Variants in SHBG observed in about 807,000 individuals in gnomAD.
The protein encoded by SHBG is sex hormone binding globulin, also known as sex hormone-binding globulin.
In SHBG, 37 loss-of-function variants were observed where a neutral mutation model predicts 41.9. That is an observed-to-expected ratio of 0.88 (90% CI 0.68 to 1.16). The LOEUF (loss-of-function observed/expected upper bound fraction) is 1.16. Ranked by LOEUF, SHBG falls within the 50% of genes most tolerant of loss-of-function variation. The probability of loss-of-function intolerance (pLI) is 0.00; values close to 1 mark genes in which losing one functional copy is unlikely to be tolerated. For synonymous variants in SHBG, 217 were observed against 205.8 expected (o/e 1.05, Z -0.47); for missense variants, 466 against 499.9 (o/e 0.93, Z 0.65).
At chr17:7,621,754 G>A (rs1272549694) in intron 1 of SHBG, among the ~76,000 whole-genome samples, 1 of 151,856 alleles carries the variant, frequency 6.6e-6, no homozygotes, top group Non-Finnish European at 1.5e-5. Context: ...AGGAGGCTGG[G>A]AGACCAGTAA....
At chr17:7,626,694 C>T, upstream of SHBG, 1 of 1,612,972 alleles carries the variant, frequency 6.2e-7, no homozygotes, top group South Asian at 1.1e-5. Context: ...ACCCGGGTCC[C>T]CCCTCCATAT....
At chr17:7,628,981 G>T (rs2072313331), upstream of SHBG, among the ~76,000 whole-genome samples, 2 of 152,058 alleles carry the variant, frequency 1.3e-5, no homozygotes, top group South Asian at 4.1e-4. Flanking sequence ...GCTTGAACCT[G>T]GGAGGTGGAG....
chr17:7,614,673 C>T, intron 1 of SHBG: 1 of 379,064 alleles, frequency 2.6e-6, no homozygotes, highest in South Asian at 1.2e-4. Context: ...GGCCCCACGG[C>T]GGCCCTGCCA....
At chr17:7,627,573 A>C (rs1328421282), upstream of SHBG, 1 of 1,610,044 alleles carries the variant, frequency 6.2e-7, no homozygotes, top group African/African-American at 1.3e-5. This position sits in a 1 kb window ranked among gnomAD's most constrained non-coding sequence, Gnocchi z 4.8. Flanking sequence ...TCTTCACCCG[A>C]ATCAGCCTCA....
chr17:7,616,451 CAAAAAAAAA>C (rs71159512), intron 1 of SHBG, among the ~76,000 whole-genome samples: 21,123 of 101,676 alleles, frequency 0.21, 2,211 homozygotes, highest in Non-Finnish European at 0.27. Context: ...ACTAAAAATA[CAAAAAAAAA>C]AAAAAAAAAA....
At chr17:7,620,200 C>T (rs2072065884) in intron 1 of SHBG, among the ~76,000 whole-genome samples, 2 of 151,948 alleles carry the variant, frequency 1.3e-5, no homozygotes, top group Admixed American at 6.6e-5. Context: ...CGTGGTGGCT[C>T]ACACCTGTAA....
rs2072370363 is a variant in SHBG at position 7,630,532 on chromosome 17, C to T, written c.203+25C>T. The T allele has an allele frequency of 6.3e-7, 1 of 1,599,758 alleles. No individual in the cohort carries two copies. The highest frequency in any genetic ancestry group is 8.6e-7 in the Non-Finnish European group (1 of 1,167,080). ...AGTATGGGGTTGGCCTAGCCCTTGA[C>T]CCAGTCCCCTGGTTCTGCCCTCTCT... On this transcript the variant is annotated intron_variant, in intron 2 of 7. Coordinates refer to ENST00000380450, the MANE Select transcript of SHBG (RefSeq NM_001040.5). The surrounding 1 kb of genome is among the most constrained non-coding windows in gnomAD (Gnocchi z 4.6).
At chr17:7,625,693 C>A (rs1407120494), upstream of SHBG, among the ~76,000 whole-genome samples, 1 of 151,704 alleles carries the variant, frequency 6.6e-6, no homozygotes. Context: ...GAATTTGAGA[C>A]CAGCCTGGCC....
At chr17:7,626,205 A>G (rs2072200900), upstream of SHBG, 4 of 414,918 alleles carry the variant, frequency 9.6e-6, no homozygotes, top group Non-Finnish European at 1.7e-5. Flanking sequence ...AAAAAAAAAA[A>G]AGAAATAAAA....
chr17:7,627,443 G>T, upstream of SHBG: 1 of 1,613,550 alleles, frequency 6.2e-7, no homozygotes, highest in Non-Finnish European at 8.5e-7. The surrounding 1 kb of genome is among the most constrained non-coding windows in gnomAD (Gnocchi z 4.8). Flanking sequence ...AGCTAGATTA[G>T]AGCAGAAGGG....
chr17:7,617,878 G>A (rs768223538), intron 1 of SHBG, among the ~76,000 whole-genome samples: 11 of 152,140 alleles, frequency 7.2e-5, no homozygotes, highest in South Asian at 2.1e-4. Context: ...GAGCTCGGGC[G>A]TTCAGGAGCA....
chr17:7,627,293 C>A, upstream of SHBG: 6 of 1,612,416 alleles, frequency 3.7e-6, no homozygotes, highest in Non-Finnish European at 5.1e-6. This position sits in a 1 kb window ranked among gnomAD's most constrained non-coding sequence, Gnocchi z 4.8. Flanking sequence ...CAGCCTGGAG[C>A]TGTCGCCTGG....
upstream of SHBG, among the ~76,000 whole-genome samples, chr17:7,624,943 CTTT>C (rs907499817): frequency 2.1e-5 from 2 of 93,736 alleles, no homozygotes; most frequent in Admixed American, 1.4e-4. Context: ...CAGGCGTGAG[CTTT>C]TTTTTTTTTT....
At chr17:7,615,454 C>T (rs1020878767) in intron 1 of SHBG, among the ~76,000 whole-genome samples, 3 of 152,364 alleles carry the variant, frequency 2.0e-5, no homozygotes, top group South Asian at 2.1e-4. Flanking sequence ...CTGTAACTCT[C>T]TACTGTAGTA....
chr17:7,614,380 G>C (rs2150951015), intron 1 of SHBG: 1 of 1,123,832 alleles, frequency 8.9e-7, no homozygotes, highest in African/African-American at 1.6e-5. Context: ...GCTCGATCCC[G>C]CCCCACGCGT....
Position 7,631,247 on chromosome 17 carries a change from G to A in SHBG, c.441G>A (p.Gly147=). The A allele has an allele frequency of 1.2e-6, 2 of 1,605,634 alleles. No homozygotes were observed. Among genetic ancestry groups the A allele is most frequent in the Non-Finnish European group, 1.7e-6 (2 of 1,176,218 alleles). ...ACTCTGTGCTGCTGGAGGTGGATGG[G>A]GAGGAGGTGCTGCGCCTGAGACAGG... ...EGDSVLLEVD[G]EEVLRLRQVS... The change falls in exon 4 of 8, where the codon GGG becomes GGA. Residue 147 remains glycine (G), a synonymous_variant. Transcript: ENST00000380450.
upstream of SHBG, chr17:7,626,998 T>G (rs777908686): frequency 1.2e-6 from 2 of 1,613,888 alleles, no homozygotes; most frequent in African/African-American, 1.3e-5. Flanking sequence ...GTCCCTTCCA[T>G]GTACTGTAGA....
chr17:7,619,162 G>A (rs1244371463), intron 1 of SHBG, among the ~76,000 whole-genome samples: 1 of 151,140 alleles, frequency 6.6e-6, no homozygotes, highest in Non-Finnish European at 1.5e-5. Flanking sequence ...AGGCCGAGGT[G>A]GGCAGATCAC....
upstream of SHBG, among the ~76,000 whole-genome samples, chr17:7,624,430 G>A (rs959401475): frequency 8.6e-5 from 13 of 151,816 alleles, no homozygotes; most frequent in Non-Finnish European, 4.4e-5. Flanking sequence ...ATTTTTAGTT[G>A]AGATGGGATT....
Sources: gnomAD v4.1 joint callset for allele counts (sites outside exome capture counted in the v4.1 genomes callset) on GRCh38, gnomAD v4.1.1 for gene constraint, Gnocchi (gnomAD v3.1) non-coding constraint, MANE v1.5 for transcripts, NCBI Gene and HGNC (gene_info 2026-07-23, HGNC 2026-07-21) for gene names.